The following MACROD2 variants were observed in gnomAD, a reference collection of about 807,000 sequenced individuals.
MACROD2 encodes the protein ADP-ribose glycohydrolase MACROD2.
MACROD2 carries 36 observed loss-of-function variants against 70.4 expected under a neutral mutation model. The observed-to-expected ratio is 0.51, with a 90% confidence interval of 0.39 to 0.68. The LOEUF (loss-of-function observed/expected upper bound fraction) is 0.68, where lower values mean the gene tolerates loss of function less well. Among genes scored for constraint, MACROD2 ranks in the 30% least tolerant of loss-of-function variants. MACROD2 has a pLI of 0.00. For synonymous variants in MACROD2, 172 were observed against 178.8 expected, an observed-to-expected ratio of 0.96 and a Z score of 0.30; for missense variants, 496 against 538.4, an observed-to-expected ratio of 0.92 and a Z score of 0.78.
At chr20:14,853,380 T>C (rs1266999712) in intron 5 of MACROD2, among the ~76,000 whole-genome samples, 1 of 152,036 alleles carries the variant, frequency 6.6e-6, no homozygotes, top group African/African-American at 2.4e-5. Flanking sequence ...AGGTGCTTCC[T>C]GGGTTTTTTC....
chr20:15,600,137 C>T (rs2048799461), intron 8 of MACROD2, among the ~76,000 whole-genome samples: 1 of 152,140 alleles, frequency 6.6e-6, no homozygotes, highest in Non-Finnish European at 1.5e-5. Context: ...CAATTCTCCA[C>T]ACTCCTCAGG....
intron 3 of MACROD2, among the ~76,000 whole-genome samples, chr20:14,438,242 G>A (rs1220699906): frequency 6.6e-6 from 1 of 152,108 alleles, no homozygotes; most frequent in South Asian, 2.1e-4. Context: ...GCAAATGATA[G>A]GATCTCCTCC....
intron 3 of MACROD2, among the ~76,000 whole-genome samples, chr20:14,289,634 T>C (rs553139902): frequency 6.6e-6 from 1 of 152,334 alleles, no homozygotes; most frequent in African/African-American, 2.4e-5. Context: ...CTTGTTCTCC[T>C]GGGCTAAGGT....
At chr20:15,687,998 A>G (rs748214356) in intron 8 of MACROD2, among the ~76,000 whole-genome samples, 13 of 152,220 alleles carry the variant, frequency 8.5e-5, no homozygotes, top group Non-Finnish European at 1.8e-4. Context: ...AATTTCAGCA[A>G]GAATTTCCCA....
intron 3 of MACROD2, among the ~76,000 whole-genome samples, chr20:14,422,045 T>A (rs1295951388): frequency 2.0e-5 from 3 of 152,188 alleles, no homozygotes; most frequent in African/African-American, 7.2e-5. Flanking sequence ...TATTTCTTCC[T>A]TCAATTCTAG....
chr20:14,183,072 T>C (rs1170505531), intron 3 of MACROD2, among the ~76,000 whole-genome samples: 1 of 148,144 alleles, frequency 6.8e-6, no homozygotes, highest in African/African-American at 2.5e-5. Context: ...ATTTGTTACA[T>C]AGGTAAACTT....
intron 5 of MACROD2, among the ~76,000 whole-genome samples, chr20:14,992,216 T>C (rs2074910550): frequency 6.6e-6 from 1 of 152,148 alleles, no homozygotes; most frequent in African/African-American, 2.4e-5. Context: ...AAAATAGAAA[T>C]TTCTCATCTA....
intron 4 of MACROD2, among the ~76,000 whole-genome samples, chr20:14,514,852 T>G (rs1303080924): frequency 6.6e-6 from 1 of 152,148 alleles, no homozygotes; most frequent in Non-Finnish European, 1.5e-5. Flanking sequence ...CCATGGTAGA[T>G]TTTCCACTGC....
chr20:16,025,083 A>C (rs2067058549), intron 15 of MACROD2, among the ~76,000 whole-genome samples: 1 of 152,242 alleles, frequency 6.6e-6, no homozygotes, highest in East Asian at 1.9e-4. Flanking sequence ...GTAAAAATAC[A>C]TGAACAAGAA....
intron 8 of MACROD2, among the ~76,000 whole-genome samples, chr20:15,807,840 T>C (rs549256055): frequency 1.1e-4 from 17 of 152,242 alleles, no homozygotes; most frequent in African/African-American, 4.1e-4. Context: ...CCCCTTATAT[T>C]GTCTTATGCC....
intron 10 of MACROD2, among the ~76,000 whole-genome samples, chr20:15,901,417 T>C (rs1407393046): frequency 3.9e-5 from 6 of 152,200 alleles, no homozygotes; most frequent in Non-Finnish European, 8.8e-5. Context: ...GGACTCTCGA[T>C]GTGATAGTCT....
At chr20:15,480,961 G>A (rs6034202) in intron 7 of MACROD2, among the ~76,000 whole-genome samples, 126,319 of 152,128 alleles carry the variant, frequency 0.83, 52,583 homozygotes, top group East Asian at 0.98. Flanking sequence ...CTGTGTCTTC[G>A]TAAGTGGTCC....
At chr20:14,881,374 G>A (rs564094172) in intron 5 of MACROD2, among the ~76,000 whole-genome samples, 1 of 151,606 alleles carries the variant, frequency 6.6e-6, no homozygotes, top group East Asian at 1.9e-4. Context: ...CTAGGTCTAA[G>A]AGGCAAAATA....
intron 6 of MACROD2, among the ~76,000 whole-genome samples, chr20:15,402,196 T>C (rs2045939747): frequency 6.6e-6 from 1 of 152,122 alleles, no homozygotes; most frequent in Admixed American, 6.6e-5. Context: ...TGGGGTTCTC[T>C]TCAATGGGCG....
In MACROD2 at chr20:13,995,620, G is replaced by A; in HGVS notation, c.-144G>A. The stretch of plus-strand genomic sequence containing the variant: ...AGGAGGGCGGCGACTGGAGAGCGGC[G>A]AGCGGCGAGCAGCGCAGGACGCAGA... On this transcript the variant is annotated 5_prime_UTR_variant, in exon 1 of 18. Coordinates refer to ENST00000684519, the MANE Select transcript of MACROD2 (RefSeq NM_001351661.2). The surrounding 1 kb of genome is among the most constrained non-coding windows in gnomAD (Gnocchi z 4.3). 1.3e-6 allele frequency: 1 copy of A among 787,372 alleles called. No homozygotes were observed. The highest frequency in any genetic ancestry group is 2.2e-6 in the Non-Finnish European group (1 of 454,688). The allele number at this position is 787,372 out of a possible 1,614,324, so 48.8% of individuals were successfully genotyped here. A position where few individuals can be genotyped will look rare whatever the true frequency, so the allele number is the denominator to read the frequency against.
chr20:15,354,308 C>T (rs2078261667), intron 6 of MACROD2, among the ~76,000 whole-genome samples: 1 of 152,076 alleles, frequency 6.6e-6, no homozygotes, highest in African/African-American at 2.4e-5. Flanking sequence ...AATGAGAACA[C>T]ATGGACACAG....
At chr20:15,805,733 C>T (rs529250756) in intron 8 of MACROD2, among the ~76,000 whole-genome samples, 1 of 152,288 alleles carries the variant, frequency 6.6e-6, no homozygotes, top group Non-Finnish European at 1.5e-5. Flanking sequence ...ACCTCGGCCT[C>T]CCAGAGTGCT....
At chr20:14,083,176 AAT>A (rs2054023218) in intron 2 of MACROD2, among the ~76,000 whole-genome samples, 1 of 151,630 alleles carries the variant, frequency 6.6e-6, no homozygotes, top group African/African-American at 2.4e-5. Flanking sequence ...TCGCGCTTGT[AAT>A]CCCAGCACTT....
At chr20:15,298,172 A>G (rs1027358070) in intron 6 of MACROD2, among the ~76,000 whole-genome samples, 2 of 152,178 alleles carry the variant, frequency 1.3e-5, no homozygotes, top group Admixed American at 6.5e-5. Flanking sequence ...GCTCCTTTTG[A>G]AAAAGCTCTC....
Sources: gnomAD v4.1 joint callset for allele counts (sites outside exome capture counted in the v4.1 genomes callset) on GRCh38, gnomAD v4.1.1 for gene constraint, Gnocchi (gnomAD v3.1) non-coding constraint, MANE v1.5 for transcripts, NCBI Gene and HGNC (gene_info 2026-07-23, HGNC 2026-07-21) for gene names.